Variants in INO80 observed in about 807,000 individuals in gnomAD.
INO80 encodes the protein chromatin-remodeling ATPase INO80.
Under a neutral mutation model 203.4 loss-of-function variants are expected in INO80, and 20 were observed. The ratio of observed to expected loss-of-function variants is 0.10; its 90% CI spans 0.07 to 0.14. INO80 has a LOEUF of 0.14. Among genes scored for constraint, INO80 ranks in the 10% least tolerant of loss-of-function variants. INO80 has a pLI of 1.00. For missense variants in INO80, 1,419 were observed against 1,914.4 expected (o/e 0.74, Z 4.83); for synonymous variants, 726 against 685.2 (o/e 1.06, Z -0.93).
chr15:41,057,297 A>G (rs979221941), intron 16 of INO80, among the ~76,000 whole-genome samples: 18 of 151,488 alleles, frequency 1.2e-4, no homozygotes, highest in African/African-American at 4.4e-4. Context: ...TCTACTATAA[A>G]TACAAAAAAT....
intron 29 of INO80, among the ~76,000 whole-genome samples, chr15:40,990,080 G>A (rs1431676160): frequency 6.6e-6 from 1 of 151,670 alleles, no homozygotes; most frequent in African/African-American, 2.4e-5. Context: ...TATGAGCCCA[G>A]GACTAGTATG....
At chr15:41,057,298 T>C (rs902359080) in intron 16 of INO80, among the ~76,000 whole-genome samples, 2 of 150,910 alleles carry the variant, frequency 1.3e-5, no homozygotes, top group Non-Finnish European at 3.0e-5. Context: ...CTACTATAAA[T>C]ACAAAAAATT....
chr15:41,093,216 G>C (rs991932529), intron 4 of INO80, among the ~76,000 whole-genome samples: 3 of 151,814 alleles, frequency 2.0e-5, no homozygotes, highest in African/African-American at 7.3e-5. Context: ...CACAAGGTCA[G>C]GAGTTTGAGA....
chr15:41,041,586 G>A (rs185791374), intron 24 of INO80, among the ~76,000 whole-genome samples: 28 of 151,064 alleles, frequency 1.9e-4, no homozygotes, highest in African/African-American at 3.4e-4. Context: ...GATTACAGGC[G>A]CACACCGCCA....
At chr15:41,112,256 G>A (rs1383930053) in intron 1 of INO80, among the ~76,000 whole-genome samples, 3 of 152,068 alleles carry the variant, frequency 2.0e-5, no homozygotes, top group Admixed American at 6.6e-5. Context: ...AACAAAAATA[G>A]AATAGTGGTT....
At chr15:41,090,950 A>T (rs1333276831) in intron 5 of INO80, among the ~76,000 whole-genome samples, 1 of 146,924 alleles carries the variant, frequency 6.8e-6, no homozygotes. Flanking sequence ...TTTGAGATGA[A>T]GTCTTGCTCT....
chr15:41,048,249 T>G lies in INO80; in HGVS notation c.2604A>C (p.Ala868=), dbSNP rs1566927608. The part of the protein sequence containing the change: ...DRWLRVLSPF[A]PDYIQRSLFH... Reference sequence around the variant, plus strand: ...AGAGAGACCGTTGGATATAGTCTGGTGCAAATGGAGAAAGAACCCTTAACC... The same window carrying G: ...AGAGAGACCGTTGGATATAGTCTGGGGCAAATGGAGAAAGAACCCTTAACC... The change falls in exon 22 of 36, where the codon GCA becomes GCC. Residue 868 remains alanine, a synonymous_variant. Coordinates refer to ENST00000648947, the MANE Select transcript of INO80 (RefSeq NM_017553.3). 1.2e-6 allele frequency: 2 copies of G among 1,613,372 alleles called. No individual in the cohort carries two copies. The highest frequency in any genetic ancestry group is 1.7e-6 in the Non-Finnish European group (2 of 1,179,588).
intron 28 of INO80, among the ~76,000 whole-genome samples, chr15:41,003,996 A>G (rs1206913321): frequency 1.3e-5 from 2 of 152,240 alleles, no homozygotes; most frequent in Non-Finnish European, 2.9e-5. Flanking sequence ...ACATGATAAA[A>G]TATGTATCAC....
At chr15:41,103,218 T>C (rs2045834694) in intron 1 of INO80, among the ~76,000 whole-genome samples, 1 of 152,222 alleles carries the variant, frequency 6.6e-6, no homozygotes, top group Admixed American at 6.5e-5. Context: ...AATTCTTCTT[T>C]GGGAATAATG....
intron 12 of INO80, among the ~76,000 whole-genome samples, chr15:41,070,856 G>T (rs949011670): frequency 1.2e-4 from 18 of 152,162 alleles, no homozygotes; most frequent in African/African-American, 4.3e-4. Flanking sequence ...TTCTCCAGTA[G>T]GATCTCCAGG....
At chr15:41,100,053 G>A (rs2045784338) in intron 1 of INO80, among the ~76,000 whole-genome samples, 1 of 151,996 alleles carries the variant, frequency 6.6e-6, no homozygotes, top group Non-Finnish European at 1.5e-5. Flanking sequence ...CAAGTAATAC[G>A]GAGTGATTCG....
chr15:41,055,251 A>G lies in INO80; in HGVS notation c.2184T>C (p.Asp728=). 6.3e-7 allele frequency: 1 copy of G among 1,591,610 alleles called. No homozygotes were observed. The highest frequency in any genetic ancestry group is 8.6e-7 in the Non-Finnish European group (1 of 1,160,112). The change falls in exon 18 of 36, where the codon GAT becomes GAC. Residue 728 remains aspartate, a synonymous_variant. Coordinates refer to ENST00000648947, the MANE Select transcript of INO80 (RefSeq NM_017553.3). ...CCAGCTCATAACAGTACTCACTCTC[A>G]TCAATAGCAGATTTGTTTTCGGCAT... is the stretch of plus-strand genomic sequence containing the variant. ...ESHAENKSAI[D]ENQLSRLHMI... is the part of the protein sequence containing the mutation.
At chr15:41,025,188 T>C (rs1823820634) in intron 25 of INO80, among the ~76,000 whole-genome samples, 1 of 152,186 alleles carries the variant, frequency 6.6e-6, no homozygotes, top group African/African-American at 2.4e-5. Flanking sequence ...TACATTTACT[T>C]TTCTTGAGAG....
intron 29 of INO80, among the ~76,000 whole-genome samples, chr15:40,988,806 G>C (rs1344540469): frequency 6.6e-6 from 1 of 152,228 alleles, no homozygotes; most frequent in African/African-American, 2.4e-5. Flanking sequence ...CTTGAGGTCA[G>C]GAGTTTGAGA....
Position 41,074,453 on chromosome 15 carries a change from A to C in INO80, c.1244T>G (p.Leu415Arg). The stretch of plus-strand genomic sequence containing the variant: ...GGTAGAACTGTCTTCCAGTTTCCTT[A>C]GGATTTCTTCCTGGATACCATCATG... ...MGHDGIQEEILRKLEDSSTQR... is the reference protein window; with the variant it reads ...MGHDGIQEEIRRKLEDSSTQR... The change falls in exon 10 of 36, where the codon CTA (leucine) becomes CGA (arginine). Residue 415 changes from leucine (L) to arginine (R), a missense_variant. Leu to Arg is a moderately radical substitution (Grantham distance 102). Around this residue, in one of 9 missense-constraint regions of INO80, gnomAD observed 116 missense variants for 119.5 expected, o/e 0.97. Transcript: ENST00000648947. 1 of 1,613,974 alleles carries C rather than the reference A, an allele frequency of 6.2e-7. No homozygotes were observed. The highest frequency in any genetic ancestry group is 8.5e-7 in the Non-Finnish European group (1 of 1,179,942).
In INO80 at chr15:40,984,187, G is replaced by A; in HGVS notation, c.4077+10C>T. The A allele has an allele frequency of 6.2e-7, 1 of 1,612,456 alleles. No individual in the cohort carries two copies. Among genetic ancestry groups the A allele is most frequent in the Non-Finnish European group, 8.5e-7 (1 of 1,179,124 alleles). The stretch of plus-strand genomic sequence containing the variant: ...ACGGCTGTGATGCAGGCATCTAAAA[G>A]GAGCCTCACCTCACTGAAAGGGCTT... On this transcript the variant is annotated intron_variant, in intron 33 of 35. Transcript: ENST00000648947.
chr15:40,989,559 G>C (rs1190242720), intron 29 of INO80, among the ~76,000 whole-genome samples: 4 of 152,140 alleles, frequency 2.6e-5, no homozygotes, highest in African/African-American at 9.7e-5. Context: ...TTCTAGACCA[G>C]GCCCTCACAA....
intron 24 of INO80, among the ~76,000 whole-genome samples, chr15:41,034,198 C>G (rs1824461682): frequency 6.6e-6 from 1 of 152,172 alleles, no homozygotes; most frequent in Non-Finnish European, 1.5e-5. Flanking sequence ...AATGGTACTT[C>G]TTTGGATTCT....
chr15:41,100,890 G>C (rs1170207217), intron 1 of INO80, among the ~76,000 whole-genome samples: 2 of 150,992 alleles, frequency 1.3e-5, no homozygotes, highest in African/African-American at 4.9e-5. Flanking sequence ...GCACAATGGG[G>C]TGATCTCCGC....
Sources: allele counts gnomAD v4.1 joint callset (sites outside exome capture counted in the v4.1 genomes callset), GRCh38; gene constraint gnomAD v4.1.1; regional missense constraint gnomAD v4.1.1; transcripts MANE v1.5; gene names NCBI Gene and HGNC (gene_info 2026-07-23, HGNC 2026-07-21).